The following DMD variants were observed in gnomAD, a reference collection of about 807,000 sequenced individuals.
DMD encodes dystrophin.
In DMD, 63 loss-of-function variants were observed where a neutral mutation model predicts 330.1. The ratio of observed to expected loss-of-function variants is 0.19; its 90% CI spans 0.16 to 0.24. DMD has a LOEUF of 0.24. Ranked by LOEUF, DMD falls within the 10% of genes least tolerant of loss-of-function variation. The pLI, the probability that DMD is intolerant of heterozygous loss-of-function variation, is 1.00. For missense variants in DMD, 3,344 were observed against 2,684.1 expected, an observed-to-expected ratio of 1.25 and a Z score of -5.43; for synonymous variants, 1,223 against 959.8, an observed-to-expected ratio of 1.27 and a Z score of -5.07.
chrX:32,596,704 C>A (rs1463495348), intron 12 of DMD, among the ~76,000 whole-genome samples: 2 of 109,861 alleles, frequency 1.8e-5, no homozygotes, highest in Non-Finnish European at 3.8e-5. Flanking sequence ...CACCACCACG[C>A]CCAGCTAATT....
At chrX:32,782,345 A>G (rs994515336) in intron 7 of DMD, among the ~76,000 whole-genome samples, 1 of 111,971 alleles carries the variant, frequency 8.9e-6, no homozygotes, top group Non-Finnish European at 1.9e-5. Flanking sequence ...TAACAGAGAC[A>G]CATGCTATTC....
At chrX:31,850,288 T>C (rs1260642207) in intron 48 of DMD, among the ~76,000 whole-genome samples, 5 of 112,574 alleles carry the variant, frequency 4.4e-5, no homozygotes, top group African/African-American at 1.6e-4. Flanking sequence ...TTGTAAACAT[T>C]ATCTATTGTA....
chrX:32,005,620 A>C (rs2095656188), intron 44 of DMD, among the ~76,000 whole-genome samples: 1 of 111,074 alleles, frequency 9.0e-6, no homozygotes, highest in Non-Finnish European at 1.9e-5. Context: ...GAGGAGAACT[A>C]CAGAGATGGG....
At chrX:31,193,529 C>A (rs1235372847) in intron 67 of DMD, among the ~76,000 whole-genome samples, 1 of 111,601 alleles carries the variant, frequency 9.0e-6, no homozygotes, top group Non-Finnish European at 1.9e-5. Flanking sequence ...ATGCAACCAC[C>A]AATATTATAA....
chrX:31,895,779 T>C (rs2094323113), intron 47 of DMD, among the ~76,000 whole-genome samples: 1 of 111,881 alleles, frequency 8.9e-6, no homozygotes, highest in Admixed American at 9.5e-5. Flanking sequence ...CTGACATGGC[T>C]GACCTGTGAC....
chrX:31,173,412 A>G, intron 72 of DMD, 127 bp downstream of exon 72: 21 of 766,660 alleles, frequency 2.7e-5, no homozygotes, highest in Non-Finnish European at 3.9e-6. Flanking sequence ...TTAGAGGGCA[A>G]GTTGATTAGT....
intron 2 of DMD, among the ~76,000 whole-genome samples, chrX:33,010,234 A>ACATATGTGTGTATG (rs1569549291): frequency 6.2e-5 from 6 of 96,781 alleles, no homozygotes; most frequent in African/African-American, 7.3e-5. Flanking sequence ...GTGTGTATAT[A>ACATATGTGTGTATG]TGTACATATG....
intron 29 of DMD, among the ~76,000 whole-genome samples, chrX:32,426,110 G>A (rs976583363): frequency 3.6e-5 from 4 of 111,744 alleles, no homozygotes; most frequent in African/African-American, 9.8e-5. Context: ...TGCAACAAAA[G>A]CAAACACTGA....
At chrX:31,208,957 T>C (rs1466791333) in intron 65 of DMD, among the ~76,000 whole-genome samples, 3 of 111,951 alleles carry the variant, frequency 2.7e-5, no homozygotes, top group African/African-American at 6.5e-5. Context: ...TGAAACTTCA[T>C]AAAATCTTAT....
chrX:32,251,161 C>T (rs887203641), intron 43 of DMD, among the ~76,000 whole-genome samples: 3 of 109,947 alleles, frequency 2.7e-5, no homozygotes, highest in Admixed American at 2.0e-4. Flanking sequence ...GCACGTTCTG[C>T]ACCTGTATCC....
intron 48 of DMD, among the ~76,000 whole-genome samples, chrX:31,851,494 G>GCT (rs2093525423): frequency 8.9e-6 from 1 of 111,748 alleles, no homozygotes; most frequent in Non-Finnish European, 1.9e-5. Flanking sequence ...CTCTATGGAA[G>GCT]CTCTCCACCT....
intron 17 of DMD, among the ~76,000 whole-genome samples, chrX:32,522,452 A>G (rs949844292): frequency 1.3e-4 from 15 of 112,265 alleles, no homozygotes; most frequent in African/African-American, 4.5e-4. Context: ...GCATCAGTGT[A>G]CTTGGGATAT....
chrX:32,704,223 A>G (rs2064391520), intron 7 of DMD, among the ~76,000 whole-genome samples: 1 of 95,887 alleles, frequency 1.0e-5, no homozygotes, highest in Admixed American at 1.1e-4. Flanking sequence ...CAGTCATTGC[A>G]CTACACTGCC....
intron 60 of DMD, among the ~76,000 whole-genome samples, chrX:31,389,823 C>T (rs1188958015): frequency 8.9e-6 from 1 of 112,173 alleles, no homozygotes; most frequent in African/African-American, 3.2e-5. Flanking sequence ...ATACATCTAA[C>T]TTTTATTCCC....
chrX:31,982,347 G>A (rs983974109), intron 44 of DMD, among the ~76,000 whole-genome samples: 3 of 111,373 alleles, frequency 2.7e-5, no homozygotes, highest in East Asian at 2.8e-4. Flanking sequence ...GATCTTATAC[G>A]TGCACCATTT....
chrX:32,686,559 C>CAGAAAAA (rs1383521933), intron 9 of DMD, among the ~76,000 whole-genome samples: 1 of 28,585 alleles, frequency 3.5e-5, no homozygotes, highest in African/African-American at 1.3e-4. Flanking sequence ...AACTCCATCT[C>CAGAAAAA]AAAAAAAAAA....
intron 9 of DMD, among the ~76,000 whole-genome samples, chrX:32,648,734 G>A (rs1251696042): frequency 8.9e-6 from 1 of 111,868 alleles, no homozygotes; most frequent in East Asian, 2.8e-4. Flanking sequence ...AAAATAAAAC[G>A]ATGTTTAATC....
At chrX:32,062,479 G>A (rs2096232903) in intron 44 of DMD, among the ~76,000 whole-genome samples, 1 of 110,067 alleles carries the variant, frequency 9.1e-6, no homozygotes, top group East Asian at 2.9e-4. Context: ...ATTAAAACAC[G>A]TTCATATGAA....
intron 44 of DMD, among the ~76,000 whole-genome samples, chrX:31,994,474 A>C (rs1216778342): frequency 8.9e-6 from 1 of 111,965 alleles, no homozygotes; most frequent in Non-Finnish European, 1.9e-5. Context: ...AATAAACATA[A>C]GTTGGTAGGA....
Sources: gnomAD v4.1 joint callset for allele counts (sites outside exome capture counted in the v4.1 genomes callset) on GRCh38, gnomAD v4.1.1 for gene constraint, MANE v1.5 for transcripts, NCBI Gene and HGNC (gene_info 2026-07-23, HGNC 2026-07-21) for gene names.